Variants in CTSS observed in about 807,000 individuals in gnomAD.
The protein encoded by CTSS is cathepsin S.
In CTSS, 15 loss-of-function variants were observed where a neutral mutation model predicts 39.9. That is an observed-to-expected ratio of 0.38 (90% CI 0.25 to 0.58). The LOEUF is 0.58. Ranked by LOEUF, CTSS falls within the 20% of genes least tolerant of loss-of-function variation. The probability of loss-of-function intolerance (pLI) is 0.70; values close to 1 mark genes in which losing one functional copy is unlikely to be tolerated. For missense variants in CTSS, 250 were observed against 398.2 expected, an observed-to-expected ratio of 0.63 and a Z score of 3.17; for synonymous variants, 126 against 138.2, an observed-to-expected ratio of 0.91 and a Z score of 0.62.
intron 7 of CTSS, among the ~76,000 whole-genome samples, chr1:150,735,123 A>T (rs2101908481): frequency 6.6e-6 from 1 of 152,322 alleles, no homozygotes; most frequent in South Asian, 2.1e-4. Flanking sequence ...AGGTGGAGGA[A>T]CATGTACTTC....
chr1:150,739,508 C>A (rs1652702072), intron 7 of CTSS, among the ~76,000 whole-genome samples: 1 of 151,840 alleles, frequency 6.6e-6, no homozygotes, highest in Non-Finnish European at 1.5e-5. Flanking sequence ...CTCAGGAGTT[C>A]AAGACCAGCC....
At chr1:150,752,040 C>T in intron 4 of CTSS, 32 bp from the exon 5 acceptor site, 1 of 1,607,132 alleles carries the variant, frequency 6.2e-7, no homozygotes. Context: ...AAACGCAAAT[C>T]ACAGAAAATC....
At chr1:150,755,632 T>C (rs1274306820) in intron 3 of CTSS, among the ~76,000 whole-genome samples, 1 of 151,734 alleles carries the variant, frequency 6.6e-6, no homozygotes, top group Non-Finnish European at 1.5e-5. Flanking sequence ...CCCAGCTATT[T>C]GGGAGGCTGA....
intron 2 of CTSS, among the ~76,000 whole-genome samples, chr1:150,759,733 G>T (rs1653214185): frequency 6.6e-6 from 1 of 152,114 alleles, no homozygotes; most frequent in African/African-American, 2.4e-5. Context: ...ATACAATGAT[G>T]TAGAAGGCAA....
Position 150,733,057 on chromosome 1 carries a change from G to T in CTSS, c.985C>A (p.Pro329Thr). 6.2e-7 allele frequency: 1 copy of T among 1,609,532 alleles called. No homozygotes were observed. Among genetic ancestry groups the T allele is most frequent in the South Asian group, 1.1e-5 (1 of 90,852 alleles). ...AAAGGAGAGATCCTCTAGATTTCTGGGTAAGAGGGAAAGCTAGCAATCCCA... is the reference window on the plus strand; with the variant it reads ...AAAGGAGAGATCCTCTAGATTTCTGTGTAAGAGGGAAAGCTAGCAATCCCA... ...HCGIASFPSY[P>T]EI Residue 329 changes from proline to threonine, a missense_variant, in exon 8 of 8, where the codon CCA becomes ACA. Coordinates refer to ENST00000368985, the MANE Select transcript of CTSS (RefSeq NM_004079.5).
chr1:150,752,122 A>G, intron 4 of CTSS, 114 bp from the exon 5 acceptor site: 3 of 1,009,458 alleles, frequency 3.0e-6, no homozygotes. Flanking sequence ...GTTCCCAGAA[A>G]GAGCTCCCCC....
rs971759177 is a variant in CTSS at position 150,747,764 on chromosome 1, G to A, written c.896+13C>T. 4 of 1,540,964 alleles carry A rather than the reference G, an allele frequency of 2.6e-6. No homozygotes were observed. The highest frequency in any genetic ancestry group is 3.4e-5 in the Admixed American group (2 of 59,102). ...TCCTGATTCCAATTAAATATAAAGT[G>A]TAAATATATTACCTGTTTTTCACAA... On this transcript the variant is annotated intron_variant, in intron 7 of 7. Transcript: ENST00000368985.
intron 5 of CTSS, 78 bp downstream of exon 5, chr1:150,751,703 T>C: frequency 7.7e-7 from 1 of 1,296,242 alleles, no homozygotes; most frequent in Non-Finnish European, 1.1e-6. Context: ...GCAATTGGCA[T>C]GGTGGCAAGC....
chr1:150,756,556 T>C (rs752080602), intron 3 of CTSS, among the ~76,000 whole-genome samples: 1 of 152,138 alleles, frequency 6.6e-6, no homozygotes, highest in Non-Finnish European at 1.5e-5. Flanking sequence ...TTATGGTGGC[T>C]ACAACATCAC....
At chr1:150,736,004 C>T (rs1051673532) in intron 7 of CTSS, among the ~76,000 whole-genome samples, 3 of 151,916 alleles carry the variant, frequency 2.0e-5, no homozygotes, top group African/African-American at 7.3e-5. Context: ...GTGATCTGCC[C>T]GCCTCAGCCT....
At chr1:150,756,417 TTTA>T (rs1653128364) in intron 3 of CTSS, among the ~76,000 whole-genome samples, 1 of 152,198 alleles carries the variant, frequency 6.6e-6, no homozygotes, top group African/African-American at 2.4e-5. Context: ...AACATAGTCA[TTTA>T]TTATTATTAA....
chr1:150,750,061 G>GC lies in CTSS; in HGVS notation c.737dup (p.Val248SerfsTer22), dbSNP rs1652978700. 1 of 1,613,832 alleles carries GC rather than the reference G, an allele frequency of 6.2e-7. No individual in the cohort carries two copies. The highest frequency in any genetic ancestry group is 1.7e-5 in the Admixed American group (1 of 59,988). On this transcript the variant is annotated frameshift_variant, in exon 6 of 8. Coordinates refer to ENST00000368985, the MANE Select transcript of CTSS (RefSeq NM_004079.5). LOFTEE classifies it high-confidence loss of function. ...GCGCATCTACACCAACAGACACTGG[G>GC]CCTTTATTGGCCACAGCTTCTTTCA... is the stretch of plus-strand genomic sequence containing the variant.
Position 150,751,986 on chromosome 1 carries a change from G to A in CTSS, c.422C>T (p.Ala141Val). 1 of 1,614,110 alleles carries A rather than the reference G, an allele frequency of 6.2e-7. No homozygotes were observed. Among genetic ancestry groups the A allele is most frequent in the African/African-American group, 1.3e-5 (1 of 75,002 alleles). ...KYQGSCGACWAFSAVGALEAQ... is the reference protein window; with the variant it reads ...KYQGSCGACWVFSAVGALEAQ... The stretch of plus-strand genomic sequence containing the variant: ...TTCCAGGGCCCCCACAGCACTGAAA[G>A]CCCAGCAAGCACCACAAGAACCCTA... Residue 141 changes from alanine (A) to valine (V), a missense_variant, in exon 5 of 8, where the codon GCT becomes GTT. Ala to Val is a moderately conservative substitution (Grantham distance 64, BLOSUM62 0). Transcript: ENST00000368985.
At chr1:150,743,462 A>G (rs1441740157) in intron 7 of CTSS, among the ~76,000 whole-genome samples, 3 of 145,832 alleles carry the variant, frequency 2.1e-5, no homozygotes, top group Non-Finnish European at 3.0e-5. Flanking sequence ...GTGGTGGCTC[A>G]CGCCTGTAAT....
At chr1:150,738,751 T>G (rs758865510) in intron 7 of CTSS, among the ~76,000 whole-genome samples, 2 of 152,104 alleles carry the variant, frequency 1.3e-5, no homozygotes, top group African/African-American at 2.4e-5. Flanking sequence ...TGGGGTGCCA[T>G]GAGCCACGTG....
At chr1:150,753,090 A>G (rs1653041806) in intron 4 of CTSS, among the ~76,000 whole-genome samples, 1 of 152,108 alleles carries the variant, frequency 6.6e-6, no homozygotes, top group Non-Finnish European at 1.5e-5. Flanking sequence ...CCTGGGCTCA[A>G]GCGATCCTTC....
intron 7 of CTSS, among the ~76,000 whole-genome samples, chr1:150,735,800 A>G (rs1427551378): frequency 1.4e-5 from 2 of 138,912 alleles, no homozygotes; most frequent in Admixed American, 7.9e-5. Context: ...TCTGTGGCCC[A>G]GGCTGGAGTG....
At chr1:150,743,158 G>A (rs369273299) in intron 7 of CTSS, among the ~76,000 whole-genome samples, 6 of 152,070 alleles carry the variant, frequency 3.9e-5, no homozygotes, top group Non-Finnish European at 7.4e-5. Flanking sequence ...ATAAAATAAC[G>A]TAAGATATGA....
chr1:150,734,105 C>T (rs1270854487), intron 7 of CTSS, among the ~76,000 whole-genome samples: 7 of 151,598 alleles, frequency 4.6e-5, no homozygotes, highest in African/African-American at 7.3e-5. Context: ...CTCAGCTCAC[C>T]GCAGCCTCCA....
Sources: allele counts gnomAD v4.1 joint callset (sites outside exome capture counted in the v4.1 genomes callset), GRCh38; gene constraint gnomAD v4.1.1; transcripts MANE v1.5; gene names NCBI Gene and HGNC (gene_info 2026-07-23, HGNC 2026-07-21).